ENPP6: variants seen among roughly 807,000 people sequenced by gnomAD.
The protein encoded by ENPP6 is ectonucleotide pyrophosphatase/phosphodiesterase 6.
ENPP6 carries 32 observed loss-of-function variants against 42.0 expected under a neutral mutation model. The ratio of observed to expected loss-of-function variants is 0.76; its 90% CI spans 0.58 to 1.02. ENPP6 has a LOEUF of 1.02. ENPP6 is among the 50% of genes least tolerant of loss of function. The pLI, the probability that ENPP6 is intolerant of heterozygous loss-of-function variation, is 0.00. For synonymous variants in ENPP6, 213 were observed against 216.0 expected (o/e 0.99, Z 0.12); for missense variants, 552 against 566.8 (o/e 0.97, Z 0.27).
intron 2 of ENPP6, among the ~76,000 whole-genome samples, chr4:184,150,179 G>A (rs79447307): frequency 0.013 from 1,975 of 152,236 alleles, 26 homozygotes; most frequent in Non-Finnish European, 0.021. Flanking sequence ...ACTGGGTGGC[G>A]TGCTAAAGGG....
At chr4:184,201,543 T>C (rs1732904439) in intron 1 of ENPP6, among the ~76,000 whole-genome samples, 1 of 152,156 alleles carries the variant, frequency 6.6e-6, no homozygotes. Flanking sequence ...TGCCCCCTAC[T>C]CTAACCACTC....
At chr4:184,194,210 G>A (rs556962047) in intron 1 of ENPP6, among the ~76,000 whole-genome samples, 2 of 152,128 alleles carry the variant, frequency 1.3e-5, no homozygotes, top group Non-Finnish European at 2.9e-5. Context: ...TGAATGTCCC[G>A]CAAGCGTCGC....
intron 1 of ENPP6, among the ~76,000 whole-genome samples, chr4:184,182,873 G>GGAGA (rs1732574295): frequency 6.6e-6 from 1 of 152,174 alleles, no homozygotes; most frequent in Non-Finnish European, 1.5e-5. Flanking sequence ...GTAGAGGGAG[G>GGAGA]GAGAGCATCA....
At chr4:184,107,264 C>T (rs924073279) in intron 6 of ENPP6, among the ~76,000 whole-genome samples, 2 of 152,342 alleles carry the variant, frequency 1.3e-5, no homozygotes, top group African/African-American at 4.8e-5. Flanking sequence ...ATTTCCTATC[C>T]TTGAAGCAAA....
At chr4:184,130,741 G>A (rs968655257) in intron 2 of ENPP6, among the ~76,000 whole-genome samples, 13 of 151,546 alleles carry the variant, frequency 8.6e-5, no homozygotes, top group African/African-American at 1.9e-4. Flanking sequence ...AGAGAGTGGT[G>A]ACTTTCTATT....
intron 1 of ENPP6, among the ~76,000 whole-genome samples, chr4:184,178,332 A>G (rs1025676161): frequency 3.3e-5 from 5 of 151,794 alleles, no homozygotes; most frequent in Non-Finnish European, 7.4e-5. Context: ...AAAAAGAATG[A>G]AAAGGAATGA....
intron 6 of ENPP6, among the ~76,000 whole-genome samples, chr4:184,109,843 C>T (rs1736170255): frequency 7.0e-6 from 1 of 142,798 alleles, no homozygotes; most frequent in African/African-American, 2.8e-5. Context: ...TTTATTCAGA[C>T]AAACGTGTGT....
chr4:184,116,210 G>T (rs368712723), intron 5 of ENPP6, among the ~76,000 whole-genome samples: 1 of 151,574 alleles, frequency 6.6e-6, no homozygotes, highest in East Asian at 2.0e-4. Context: ...GCGACAGAGC[G>T]AGACTCCGTC....
intron 4 of ENPP6, among the ~76,000 whole-genome samples, 177 bp downstream of exon 4, chr4:184,117,582 A>G (rs2111346964): frequency 6.6e-6 from 1 of 152,328 alleles, no homozygotes; most frequent in South Asian, 2.1e-4. Flanking sequence ...CTGTGGAACA[A>G]AGGATCACTT....
intron 2 of ENPP6, among the ~76,000 whole-genome samples, chr4:184,134,552 C>T (rs1009420336): frequency 1.3e-5 from 2 of 152,132 alleles, no homozygotes; most frequent in South Asian, 2.1e-4. Context: ...TGGCTTTTTA[C>T]GGTCTACAGG....
chr4:184,204,966 T>C (rs918794823), intron 1 of ENPP6, among the ~76,000 whole-genome samples: 5 of 152,172 alleles, frequency 3.3e-5, no homozygotes, highest in Admixed American at 6.5e-5. Flanking sequence ...GTTTCGCTCA[T>C]GTTGCCCAGG....
Position 184,124,208 on chromosome 4 carries a change from C to T in ENPP6, c.486G>A (p.Thr162=). 4.3e-6 allele frequency: 7 copies of T among 1,613,968 alleles called. No individual in the cohort carries two copies. The highest frequency in any genetic ancestry group is 5.9e-6 in the Non-Finnish European group (7 of 1,179,958). ...TGACTGCATTGGCAAAATTGATATCCGTTGGGACATTTTTATATTCTAGGC... is the reference window on the plus strand; with the variant it reads ...TGACTGCATTGGCAAAATTGATATCTGTTGGGACATTTTTATATTCTAGGC... The part of the protein sequence containing the change: ...TYCLEYKNVP[T]DINFANAVSD... The change falls in exon 3 of 8, where the codon ACG becomes ACA. Residue 162 remains threonine (T), a synonymous_variant. Transcript: ENST00000296741.
At chr4:184,209,083 T>C (rs1014845113) in intron 1 of ENPP6, among the ~76,000 whole-genome samples, 1 of 149,282 alleles carries the variant, frequency 6.7e-6, no homozygotes, top group Non-Finnish European at 1.5e-5. Flanking sequence ...AAAACCCATC[T>C]GTACATCACC....
At position 184,132,294 on chromosome 4, in the gene ENPP6, C is replaced by CT. The variant is rs955881873; in HGVS notation, c.422-8023dup. 8.2e-3 allele frequency among the ~76,000 whole-genome samples: 1,224 copies of CT among 148,388 alleles called. 16 individuals carry two copies. Among genetic ancestry groups the CT allele is most frequent in the African/African-American group, 0.024 (981 of 40,516 alleles). On this transcript the variant is annotated intron_variant, in intron 2 of 7. Coordinates refer to ENST00000296741, the MANE Select transcript of ENPP6 (RefSeq NM_153343.4). ...GTTCTCACATTGTAGTTTTATTTTG[C>CT]TTTTTTTTTTGCTACCAAGGCTGAG...
chr4:184,145,727 C>T (rs573520885), intron 2 of ENPP6, among the ~76,000 whole-genome samples: 3 of 152,326 alleles, frequency 2.0e-5, no homozygotes, highest in African/African-American at 7.2e-5. Flanking sequence ...TTCCAGCCAT[C>T]TCCTGCCTCC....
chr4:184,205,858 C>T (rs1411417815), intron 1 of ENPP6, among the ~76,000 whole-genome samples: 5 of 151,984 alleles, frequency 3.3e-5, no homozygotes, highest in African/African-American at 1.2e-4. Flanking sequence ...CAGGAGGAAC[C>T]AAGGGAAAGG....
At chr4:184,163,694 C>A (rs1164346897) in intron 1 of ENPP6, among the ~76,000 whole-genome samples, 1 of 152,180 alleles carries the variant, frequency 6.6e-6, no homozygotes, top group Non-Finnish European at 1.5e-5. Context: ...CGGTGTATAA[C>A]CACCTTTAGA....
Position 184,217,654 on chromosome 4 carries a change from T to C in ENPP6, c.166A>G (p.Arg56Gly), listed in dbSNP as rs759750133. The C allele has an allele frequency of 2.1e-5, 34 of 1,614,110 alleles. No homozygotes were observed. Among genetic ancestry groups the C allele is most frequent in the Middle Eastern group, 1.6e-4 (1 of 6,084 alleles). Residue 56 changes from arginine to glycine, a missense_variant, in exon 1 of 8, where the codon AGG (arginine) becomes GGG (glycine). Around this residue, in one of 2 missense-constraint regions of ENPP6, gnomAD observed 545 missense variants for 546.3 expected, o/e 1.00. Coordinates refer to ENST00000296741, the MANE Select transcript of ENPP6 (RefSeq NM_153343.4). The part of the protein sequence containing the change: ...SLPGFKEIVS[R>G]GVKVDYLTPD... ...GTCAAGTAATCCACTTTTACTCCCC[T>C]GCTCACAATCTCTTTGAAACCAGGC...
intron 1 of ENPP6, among the ~76,000 whole-genome samples, chr4:184,200,772 GT>G: frequency 6.6e-6 from 1 of 152,308 alleles, no homozygotes; most frequent in East Asian, 1.9e-4. Flanking sequence ...ACCACCAAAG[GT>G]GACTCCCGGG....
Sources: allele counts gnomAD v4.1 joint callset (sites outside exome capture counted in the v4.1 genomes callset), GRCh38; gene constraint gnomAD v4.1.1; regional missense constraint gnomAD v4.1.1; transcripts MANE v1.5; gene names NCBI Gene and HGNC (gene_info 2026-07-23, HGNC 2026-07-21).